The following SDR42E1 variants were observed in gnomAD, a reference collection of about 807,000 sequenced individuals.
SDR42E1 encodes short-chain dehydrogenase/reductase family 42E member 1.
SDR42E1 carries 5 observed loss-of-function variants against 2.6 expected under a neutral mutation model. The ratio of observed to expected loss-of-function variants is 1.94; its 90% CI spans 1.01 to 4.08. The LOEUF is 4.08. SDR42E1 is among the 30% of genes most tolerant of loss of function. The pLI, the probability that SDR42E1 is intolerant of heterozygous loss-of-function variation, is 0.00. For synonymous variants in SDR42E1, 231 were observed against 188.3 expected (o/e 1.23, Z -1.86); for missense variants, 596 against 478.6 (o/e 1.25, Z -2.29).
rs980966722 is a variant in SDR42E1 at position 82,004,867 on chromosome 16, A to G, written c.-26-3983T>C. ...AGTGTGCTCAGGTGAAATCAGGGTG[A>G]GGGCTGGTGAACAACTGCAGGAGGT... On this transcript the variant is annotated intron_variant, in intron 1 of 2. Transcript: ENST00000328945. Among the ~76,000 whole-genome samples the G allele has an allele frequency of 7.9e-5, 12 of 152,366 alleles. No individual in the cohort carries two copies. The South Asian group carries it at 8.3e-4, about 11-fold the overall frequency.
rs1912508274 is a variant in SDR42E1, at chr16:81,994,967, C to G, written c.*4144G>C. The G allele has an allele frequency of 6.6e-6, 1 of 152,184 alleles. No individual in the cohort carries two copies. Among genetic ancestry groups the G allele is most frequent in the Non-Finnish European group, 1.5e-5 (1 of 68,040 alleles). The allele number at this position is 152,184 out of a possible 1,614,324, so 9.4% of individuals were successfully genotyped here. On this transcript the variant is annotated 3_prime_UTR_variant, in exon 3 of 3. Transcript: ENST00000328945. The stretch of plus-strand genomic sequence containing the variant: ...TTTGGTGCCAGAATGAGTTATTTGA[C>G]CCTCCACTAACTGTTACTGCTTGTA...
In SDR42E1 at chr16:81,994,601, T is replaced by C. The variant is rs1164104587; in HGVS notation, c.*4510A>G. ...TGCTGGTGAACAGCACACAACCTGG[T>C]GTGCCATCTCTAAGCAAGAGATGCT... On this transcript the variant is annotated 3_prime_UTR_variant, in exon 3 of 3. Transcript: ENST00000328945. 1 of 152,196 alleles carries C rather than the reference T, an allele frequency of 6.6e-6. No homozygotes were observed. The highest frequency in any genetic ancestry group is 6.5e-5 in the Admixed American group (1 of 15,278). The allele number at this position is 152,196 out of a possible 1,614,324, so 9.4% of individuals were successfully genotyped here. A position where few individuals can be genotyped will look rare whatever the true frequency, so the allele number is the denominator to read the frequency against.
At chr16:82,006,784 A>T (rs1233298436) in intron 1 of SDR42E1, among the ~76,000 whole-genome samples, 1 of 152,142 alleles carries the variant, frequency 6.6e-6, no homozygotes, top group Non-Finnish European at 1.5e-5. Context: ...ACAGAGGGAG[A>T]TTCCATCTCA....
intron 1 of SDR42E1, among the ~76,000 whole-genome samples, chr16:82,003,314 G>C (rs1312215216): frequency 6.6e-6 from 1 of 152,208 alleles, no homozygotes; most frequent in Non-Finnish European, 1.5e-5. Flanking sequence ...TCTGAGTGCA[G>C]AACACTCCCA....
At position 81,989,770 on chromosome 16, in the gene SDR42E1, G is replaced by T. The variant is rs916792081; in HGVS notation, c.*9341C>A. On this transcript the variant is annotated 3_prime_UTR_variant, in exon 3 of 3. Coordinates refer to ENST00000328945, the MANE Select transcript of SDR42E1 (RefSeq NM_145168.3). Reference sequence around the variant, plus strand: ...CCCAGCACTTTGGGAGGCCGAGGTGGGTGGATCACCTGAGCTCAGGAGTTC... The same window carrying T: ...CCCAGCACTTTGGGAGGCCGAGGTGTGTGGATCACCTGAGCTCAGGAGTTC... The T allele has an allele frequency of 2.6e-5, 4 of 152,200 alleles. No individual in the cohort carries two copies. The highest frequency in any genetic ancestry group is 9.7e-5 in the African/African-American group (4 of 41,430). 9.4% of individuals were successfully genotyped at this position (152,200 alleles called of 1,614,324 possible). A position where few individuals can be genotyped will look rare whatever the true frequency, so the allele number is the denominator to read the frequency against.
rs2143836681 is a variant in SDR42E1 at position 81,996,532 on chromosome 16, T to G, written c.*2579A>C. ...TGAATTCCACTTTGGCTACACTGGCTGACAGGTGCATGTGGGACATCCATG... is the reference window on the plus strand; with the variant it reads ...TGAATTCCACTTTGGCTACACTGGCGGACAGGTGCATGTGGGACATCCATG... On this transcript the variant is annotated 3_prime_UTR_variant, in exon 3 of 3. Coordinates refer to ENST00000328945, the MANE Select transcript of SDR42E1 (RefSeq NM_145168.3). 1.3e-5 allele frequency: 2 copies of G among 152,246 alleles called. No homozygotes were observed. The highest frequency in any genetic ancestry group is 3.9e-4 in the East Asian group (2 of 5,168). 9.4% of individuals were successfully genotyped at this position (152,246 alleles called of 1,614,324 possible). A position where few individuals can be genotyped will look rare whatever the true frequency, so the allele number is the denominator to read the frequency against.
intron 1 of SDR42E1, among the ~76,000 whole-genome samples, chr16:82,010,500 G>A (rs1913091015): frequency 6.6e-6 from 1 of 152,156 alleles, no homozygotes; most frequent in Admixed American, 6.5e-5. Flanking sequence ...AAGTCAAGCT[G>A]AGAACTGCTT....
Position 82,000,100 on chromosome 16 carries a change from C to G in SDR42E1, c.193G>C (p.Glu65Gln). The change falls in exon 3 of 3, where the codon GAG (glutamate) becomes CAG (glutamine). Residue 65 changes from glutamate to glutamine, a missense_variant. Glu to Gln is a conservative substitution (Grantham distance 29). Coordinates refer to ENST00000328945, the MANE Select transcript of SDR42E1 (RefSeq NM_145168.3). ...QGDIRHLSDV[E>Q]KAFQDADVTC... ...ACGTCTGCATCCTGGAAGGCTTTCTCTACGTCAGACAGGTGGCGGATGTCT... is the reference window on the plus strand; with the variant it reads ...ACGTCTGCATCCTGGAAGGCTTTCTGTACGTCAGACAGGTGGCGGATGTCT... The G allele has an allele frequency of 6.2e-7, 1 of 1,614,214 alleles. No homozygotes were observed. Among genetic ancestry groups the G allele is most frequent in the South Asian group, 1.1e-5 (1 of 91,084 alleles).
chr16:82,006,614 GA>G (rs1244268196), intron 1 of SDR42E1, among the ~76,000 whole-genome samples: 1 of 152,164 alleles, frequency 6.6e-6, no homozygotes, highest in Non-Finnish European at 1.5e-5. Context: ...CCAACATGGT[GA>G]AACCCTGTCT....
In SDR42E1 at chr16:82,007,488, GAC is replaced by G. The variant is rs1206819992; in HGVS notation, c.-27+3897_-27+3898del. ...ACAGGTGAGAAAACTGAAGCTCAGA[GAC>G]ACAAAGTGCCTAACTCCAAGTCCTA... On this transcript the variant is annotated intron_variant, in intron 1 of 2. Transcript: ENST00000328945. 6.6e-5 allele frequency among the ~76,000 whole-genome samples: 10 copies of G among 152,322 alleles called. No individual in the cohort carries two copies. The East Asian group carries it at 1.9e-3, about 29-fold the overall frequency.
At position 81,997,021 on chromosome 16, in the gene SDR42E1, C is replaced by T. The variant is rs1230675849; in HGVS notation, c.*2090G>A. The T allele has an allele frequency of 1.3e-5, 2 of 152,322 alleles. No homozygotes were observed. The highest frequency in any genetic ancestry group is 1.3e-4 in the Admixed American group (2 of 15,304). 9.4% of individuals were successfully genotyped at this position (152,322 alleles called of 1,614,324 possible). A position where few individuals can be genotyped will look rare whatever the true frequency, so the allele number is the denominator to read the frequency against. On this transcript the variant is annotated 3_prime_UTR_variant, in exon 3 of 3. Coordinates refer to ENST00000328945, the MANE Select transcript of SDR42E1 (RefSeq NM_145168.3). The stretch of plus-strand genomic sequence containing the variant: ...CAGACAGTAAGGCTTCTAAGAAGCA[C>T]AGCGTATTGTCCCTTGGCAGTCTGA...
rs1426359164 is a variant in SDR42E1, at chr16:81,997,336, G to C, written c.*1775C>G. ...GAGCTCAGCCTCCAAGATCGCCTTT[G>C]ACCATCTCCCTCTTCTGGTATAATA... On this transcript the variant is annotated 3_prime_UTR_variant, in exon 3 of 3. Transcript: ENST00000328945. 2.0e-5 allele frequency: 3 copies of C among 152,180 alleles called. No homozygotes were observed. The highest frequency in any genetic ancestry group is 7.2e-5 in the African/African-American group (3 of 41,444). 9.4% of individuals were successfully genotyped at this position (152,180 alleles called of 1,614,324 possible).
At chr16:82,001,959 T>TACACACACACACACACAC (rs200680543) in intron 1 of SDR42E1, among the ~76,000 whole-genome samples, 2 of 131,130 alleles carry the variant, frequency 1.5e-5, no homozygotes, top group African/African-American at 7.9e-5. Flanking sequence ...ACTGGGTGCG[T>TACACACACACACACACAC]ATACACACAC....
intron 1 of SDR42E1, among the ~76,000 whole-genome samples, chr16:82,001,899 C>T (rs978033208): frequency 7.9e-6 from 1 of 126,928 alleles, no homozygotes; most frequent in African/African-American, 3.5e-5. Context: ...AAGACTCCAT[C>T]TCAAAAAAAA....
chr16:82,004,596 C>G (rs1912875176), intron 1 of SDR42E1, among the ~76,000 whole-genome samples: 2 of 152,176 alleles, frequency 1.3e-5, no homozygotes, highest in African/African-American at 4.8e-5. Flanking sequence ...GATTTCCTGG[C>G]CTCAAGCGAT....
chr16:81,999,676 TTC>T lies in SDR42E1; in HGVS notation c.615_616del (p.Lys206GlyfsTer15). On this transcript the variant is annotated frameshift_variant, in exon 3 of 3. Coordinates refer to ENST00000328945, the MANE Select transcript of SDR42E1 (RefSeq NM_145168.3). LOFTEE classifies it low-confidence loss of function (END_TRUNC). Reference sequence around the variant, plus strand: ...CCCGTAGACAAACTTGAACAGACCCTTCTCGATGTAGCTGACTATCCTGGGAA... The same window carrying T: ...CCCGTAGACAAACTTGAACAGACCCTTCGATGTAGCTGACTATCCTGGGAA... 1 of 1,614,186 alleles carries T rather than the reference TTC, an allele frequency of 6.2e-7. No homozygotes were observed. Among genetic ancestry groups the T allele is most frequent in the Non-Finnish European group, 8.5e-7 (1 of 1,180,040 alleles).
At chr16:82,008,035 G>C (rs749655823) in intron 1 of SDR42E1, among the ~76,000 whole-genome samples, 1 of 152,114 alleles carries the variant, frequency 6.6e-6, no homozygotes, top group African/African-American at 2.4e-5. Context: ...TCATGGGGGC[G>C]GGTCTTTCCT....
rs747358376 is a variant in SDR42E1 at position 82,000,146 on chromosome 16, T to C, written c.147A>G (p.Glu49=). The C allele has an allele frequency of 4.3e-6, 7 of 1,614,184 alleles. 1 individual carries two copies. In the South Asian group the frequency reaches 4.4e-5, roughly 10 times the overall value. Residue 49 remains glutamate (E), a synonymous_variant, in exon 3 of 3, where the codon GAA becomes GAG. Transcript: ENST00000328945. ...TGTCTCCTTGTATAAACTTGATTCC[T>C]TCTGGAATGGTTTGAGCAGGGCTGC... ...DISSPAQTIP[E]GIKFIQGDIR...
rs267604658 is a variant in SDR42E1 at position 81,999,725 on chromosome 16, C to T, written c.568G>A (p.Gly190Arg). The T allele has an allele frequency of 1.2e-6, 2 of 1,614,218 alleles. No individual in the cohort carries two copies. The highest frequency in any genetic ancestry group is 1.1e-5 in the South Asian group (1 of 91,082). The change falls in exon 3 of 3, where the codon GGG (glycine) becomes AGG (arginine). Residue 190 changes from glycine to arginine, a missense_variant. Coordinates refer to ENST00000328945, the MANE Select transcript of SDR42E1 (RefSeq NM_145168.3). ...GGAAGGTGTCTTTGTTCTCCAGGCC[C>T]ATAGATGCCAGCTGGCCTCAGAGCG... The part of the protein sequence containing the change: ...TCALRPAGIY[G>R]PGEQRHLPRI...
Sources: gnomAD v4.1 joint callset for allele counts (sites outside exome capture counted in the v4.1 genomes callset) on GRCh38, gnomAD v4.1.1 for gene constraint, MANE v1.5 for transcripts, NCBI Gene and HGNC (gene_info 2026-07-23, HGNC 2026-07-21) for gene names.